The following CCNY variants were observed in gnomAD, a reference collection of about 807,000 sequenced individuals.
The protein encoded by CCNY is cyclin Y.
Under a neutral mutation model 42.8 loss-of-function variants are expected in CCNY, and 19 were observed. The ratio of observed to expected loss-of-function variants is 0.44; its 90% CI spans 0.31 to 0.65. CCNY has a LOEUF of 0.65. CCNY is among the 30% of genes least tolerant of loss of function. CCNY has a pLI of 0.07. For synonymous variants in CCNY, 165 were observed against 162.7 expected, an observed-to-expected ratio of 1.01 and a Z score of -0.11; for missense variants, 370 against 437.3, an observed-to-expected ratio of 0.85 and a Z score of 1.37.
At chr10:35,432,385 T>G (rs554810269) in intron 1 of CCNY, among the ~76,000 whole-genome samples, 4 of 152,346 alleles carry the variant, frequency 2.6e-5, no homozygotes, top group African/African-American at 4.8e-5. Flanking sequence ...TAAATGGGGA[T>G]TCTCTAGATT....
At chr10:35,559,599 T>G (rs1332723810) in intron 8 of CCNY, among the ~76,000 whole-genome samples, 1 of 152,202 alleles carries the variant, frequency 6.6e-6, no homozygotes, top group South Asian at 2.1e-4. Context: ...GACAGATGGA[T>G]CCAGTCAGCC....
At chr10:35,535,226 A>T (rs980586313) in intron 7 of CCNY, among the ~76,000 whole-genome samples, 1 of 151,952 alleles carries the variant, frequency 6.6e-6, no homozygotes, top group South Asian at 2.1e-4. Flanking sequence ...GGAGATACAG[A>T]GAAGGGGGTG....
At chr10:35,258,502 G>A (rs897748150) in intron 3 of CCNY, among the ~76,000 whole-genome samples, 1 of 152,166 alleles carries the variant, frequency 6.6e-6, no homozygotes, top group Non-Finnish European at 1.5e-5. Context: ...CAATGACAGA[G>A]GTGCAACAAA....
chr10:35,350,091 T>A (rs1365415417), intron 1 of CCNY, among the ~76,000 whole-genome samples: 1 of 152,196 alleles, frequency 6.6e-6, no homozygotes, highest in African/African-American at 2.4e-5. Context: ...TTTGACTCCT[T>A]AGAACTAACA....
rs1451893507 is a variant in CCNY, at chr10:35,501,691, A to G, written c.264+156A>G. 6 of 665,188 alleles carry G rather than the reference A, an allele frequency of 9.0e-6. No homozygotes were observed. The Admixed American group carries it at 1.4e-4, about 15-fold the overall frequency. 41.2% of individuals were successfully genotyped at this position (665,188 alleles called of 1,614,324 possible). On this transcript the variant is annotated intron_variant, in intron 3 of 9. Coordinates refer to ENST00000374704, the MANE Select transcript of CCNY (RefSeq NM_145012.6). ...TGCTTAGTTTGGTTTGTAATTGGACAAGCATCACTCAGTATTTGTCCACTG... is the reference window on the plus strand; with the variant it reads ...TGCTTAGTTTGGTTTGTAATTGGACGAGCATCACTCAGTATTTGTCCACTG...
chr10:35,347,399 G>T, intron 1 of CCNY: 11 of 976,556 alleles, frequency 1.1e-5, no homozygotes, highest in Non-Finnish European at 1.3e-5. Flanking sequence ...CTTCTATTTT[G>T]GATGCCTCTG....
At chr10:35,305,602 C>T (rs1308380615) in intron 3 of CCNY, among the ~76,000 whole-genome samples, 1 of 152,210 alleles carries the variant, frequency 6.6e-6, no homozygotes, top group African/African-American at 2.4e-5. Flanking sequence ...GTTTGTGCTA[C>T]TTATCGTTCA....
At position 35,477,628 on chromosome 10, in the gene CCNY, G is replaced by A. The variant is rs542955572; in HGVS notation, c.155-5776G>A. On this transcript the variant is annotated intron_variant, in intron 1 of 9. Transcript: ENST00000374704. ...ACTCTCAATAAATTAGGTATTGATG[G>A]GACATATTTCAAAATAATAAGAGCT... 3.4e-3 allele frequency among the ~76,000 whole-genome samples: 506 copies of A among 150,750 alleles called. 4 individuals are homozygous for A. The highest frequency in any genetic ancestry group is 0.012 in the African/African-American group (476 of 41,140).
chr10:35,355,593 G>A (rs766835118), intron 1 of CCNY, among the ~76,000 whole-genome samples: 9 of 135,614 alleles, frequency 6.6e-5, no homozygotes, highest in Non-Finnish European at 9.1e-5. Context: ...CAGAAGAATC[G>A]CTTGAACCCA....
At chr10:35,346,508 G>T (rs896574393) in intron 1 of CCNY, among the ~76,000 whole-genome samples, 2 of 152,192 alleles carry the variant, frequency 1.3e-5, no homozygotes, top group African/African-American at 2.4e-5. Flanking sequence ...TCATTTCAGG[G>T]GTTGGCCAAC....
chr10:35,371,209 G>A (rs927441942), intron 1 of CCNY, among the ~76,000 whole-genome samples: 1 of 152,178 alleles, frequency 6.6e-6, no homozygotes, highest in African/African-American at 2.4e-5. Context: ...GGATACAGAA[G>A]CAACGTGATA....
intron 1 of CCNY, among the ~76,000 whole-genome samples, chr10:35,381,808 A>T (rs1388299605): frequency 6.6e-6 from 1 of 152,208 alleles, no homozygotes; most frequent in Non-Finnish European, 1.5e-5. Flanking sequence ...GTTACTGATG[A>T]CTATAATTGT....
chr10:35,278,895 G>T (rs770967366), intron 3 of CCNY, among the ~76,000 whole-genome samples: 4 of 152,124 alleles, frequency 2.6e-5, no homozygotes, highest in African/African-American at 7.2e-5. Context: ...GCCTCCAGCT[G>T]CCCTCTCTCT....
At chr10:35,417,696 T>C (rs1180262894) in intron 1 of CCNY, among the ~76,000 whole-genome samples, 10 of 152,248 alleles carry the variant, frequency 6.6e-5, no homozygotes, top group Non-Finnish European at 1.2e-4. Context: ...CCTGCATCTT[T>C]TAATGGCATT....
At chr10:35,411,912 T>C (rs1443008177) in intron 1 of CCNY, among the ~76,000 whole-genome samples, 1 of 152,236 alleles carries the variant, frequency 6.6e-6, no homozygotes, top group East Asian at 1.9e-4. Context: ...TCTCACTGGC[T>C]TTTCCTAACA....
intron 1 of CCNY, among the ~76,000 whole-genome samples, chr10:35,452,287 G>T (rs1177167015): frequency 6.6e-6 from 1 of 152,150 alleles, no homozygotes; most frequent in Admixed American, 6.5e-5. Context: ...TTACTAGTTT[G>T]TTCTATAACT....
At chr10:35,450,606 T>C (rs1332658195) in intron 1 of CCNY, among the ~76,000 whole-genome samples, 1 of 152,092 alleles carries the variant, frequency 6.6e-6, no homozygotes, top group Non-Finnish European at 1.5e-5. Context: ...AAGGGCATCT[T>C]GCGGGTTCCC....
At chr10:35,262,799 G>C (rs1049355030) in intron 3 of CCNY, among the ~76,000 whole-genome samples, 5 of 151,948 alleles carry the variant, frequency 3.3e-5, no homozygotes, top group African/African-American at 1.2e-4. Flanking sequence ...ACTGACCTTA[G>C]GCTTCTCTTA....
At chr10:35,558,659 G>A (rs1841407362) in intron 8 of CCNY, among the ~76,000 whole-genome samples, 1 of 152,174 alleles carries the variant, frequency 6.6e-6, no homozygotes, top group African/African-American at 2.4e-5. Flanking sequence ...TATGTCTGAT[G>A]TCCTCATAAG....
Sources: gnomAD v4.1 joint callset for allele counts (sites outside exome capture counted in the v4.1 genomes callset) on GRCh38, gnomAD v4.1.1 for gene constraint, MANE v1.5 for transcripts, NCBI Gene and HGNC (gene_info 2026-07-23, HGNC 2026-07-21) for gene names.